PTPRD: variants seen among roughly 807,000 people sequenced by gnomAD.
PTPRD encodes receptor-type tyrosine-protein phosphatase delta.
A neutral mutation model predicts 214.5 loss-of-function variants in PTPRD; 34 were observed. That is an observed-to-expected ratio of 0.16 (90% CI 0.12 to 0.21). The LOEUF (loss-of-function observed/expected upper bound fraction) is 0.21. PTPRD is among the 10% of genes least tolerant of loss of function. The probability of loss-of-function intolerance (pLI) is 1.00; values close to 1 mark genes in which losing one functional copy is unlikely to be tolerated. For missense variants in PTPRD, 2,545 were observed against 2,398.7 expected (o/e 1.06, Z -1.27); for synonymous variants, 1,128 against 845.7 (o/e 1.33, Z -5.79).
chr9:10,096,918 G>A (rs1156785085), intron 3 of PTPRD, among the ~76,000 whole-genome samples: 1 of 151,288 alleles, frequency 6.6e-6, no homozygotes, highest in African/African-American at 2.4e-5. Context: ...ATTTTTTTAA[G>A]ATGTAAGGAA....
At chr9:8,630,084 C>G (rs1337805) in intron 14 of PTPRD, among the ~76,000 whole-genome samples, 40,778 of 151,622 alleles carry the variant, frequency 0.27, 5,937 homozygotes, top group African/African-American at 0.39. Flanking sequence ...TGAGATAAAT[C>G]AATGATCTTC....
intron 14 of PTPRD, among the ~76,000 whole-genome samples, chr9:8,624,024 AAC>A (rs1373733740): frequency 2.0e-5 from 3 of 151,980 alleles, no homozygotes; most frequent in Non-Finnish European, 2.9e-5. Flanking sequence ...GAAATCATAA[AAC>A]AGTTATAGAT....
intron 10 of PTPRD, among the ~76,000 whole-genome samples, chr9:9,103,256 A>C (rs2099793746): frequency 6.6e-6 from 1 of 151,840 alleles, no homozygotes; most frequent in Non-Finnish European, 1.5e-5. Flanking sequence ...GATTAAGGGA[A>C]CTCCTTTAGT....
intron 8 of PTPRD, among the ~76,000 whole-genome samples, chr9:9,521,162 T>C (rs1390756081): frequency 6.6e-6 from 1 of 152,186 alleles, no homozygotes; most frequent in Non-Finnish European, 1.5e-5. Context: ...GAGGTGTTAC[T>C]GATTCAGGTG....
At chr9:8,785,477 A>G (rs1325252043) in intron 11 of PTPRD, among the ~76,000 whole-genome samples, 8 of 152,218 alleles carry the variant, frequency 5.3e-5, no homozygotes, top group Non-Finnish European at 1.2e-4. Flanking sequence ...TTGATGACCT[A>G]TAGTGTGTAT....
At chr9:9,076,583 A>G (rs2099751578) in intron 10 of PTPRD, among the ~76,000 whole-genome samples, 1 of 152,074 alleles carries the variant, frequency 6.6e-6, no homozygotes, top group South Asian at 2.1e-4. Context: ...TATTTCACAT[A>G]ATATAATGTC....
chr9:8,496,161 C>G (rs899477102), intron 26 of PTPRD, among the ~76,000 whole-genome samples: 2 of 147,974 alleles, frequency 1.4e-5, no homozygotes, highest in Non-Finnish European at 3.0e-5. Flanking sequence ...TGTTCCACCT[C>G]CAACTCTCCA....
intron 2 of PTPRD, among the ~76,000 whole-genome samples, chr9:10,597,078 TATATATTTCAC>T (rs559659808): frequency 2.4e-4 from 36 of 151,280 alleles, no homozygotes; most frequent in African/African-American, 7.2e-4. Context: ...TCCATATATA[TATATATTTCAC>T]ATATATATTT....
intron 7 of PTPRD, among the ~76,000 whole-genome samples, chr9:9,646,677 G>T (rs1180121656): frequency 6.6e-6 from 1 of 151,894 alleles, no homozygotes; most frequent in African/African-American, 2.4e-5. Flanking sequence ...TATCCACAGG[G>T]CGTACATTCT....
chr9:9,078,335 A>G (rs1190551572), intron 10 of PTPRD, among the ~76,000 whole-genome samples: 1 of 152,072 alleles, frequency 6.6e-6, no homozygotes, highest in Non-Finnish European at 1.5e-5. Flanking sequence ...CCTTAATTAT[A>G]TCATAGTTAA....
At chr9:9,563,954 A>G (rs939805693) in intron 8 of PTPRD, among the ~76,000 whole-genome samples, 1 of 152,142 alleles carries the variant, frequency 6.6e-6, no homozygotes, top group Non-Finnish European at 1.5e-5. Context: ...TGGGCATATG[A>G]GTCACTTAAA....
chr9:9,589,631 T>C (rs540739085), intron 7 of PTPRD, among the ~76,000 whole-genome samples: 79 of 152,152 alleles, frequency 5.2e-4, no homozygotes, highest in African/African-American at 1.5e-3. Flanking sequence ...TTCACAAATA[T>C]AGCAATAGGA....
chr9:9,157,721 AC>A (rs2099882483), intron 10 of PTPRD, among the ~76,000 whole-genome samples: 2 of 152,158 alleles, frequency 1.3e-5, no homozygotes, highest in South Asian at 4.1e-4. Context: ...TTTTCTTTCA[AC>A]TTTTATTTAA....
intron 40 of PTPRD, 78 bp downstream of exon 40, chr9:8,341,615 G>A (rs1852540321): frequency 1.3e-6 from 2 of 1,514,366 alleles, no homozygotes; most frequent in East Asian, 2.3e-5. Context: ...AATTTGAAAG[G>A]TTAAAGTAAA....
intron 5 of PTPRD, among the ~76,000 whole-genome samples, chr9:9,864,134 AC>A (rs767080686): frequency 6.6e-5 from 10 of 151,982 alleles, no homozygotes; most frequent in Non-Finnish European, 1.3e-4. Flanking sequence ...GTGAAACCCC[AC>A]CTCTACTAAA....
chr9:9,058,177 C>G (rs2099699781), intron 10 of PTPRD, among the ~76,000 whole-genome samples: 1 of 152,038 alleles, frequency 6.6e-6, no homozygotes, highest in Non-Finnish European at 1.5e-5. Flanking sequence ...GGAATTAGGG[C>G]TTGTACTTAC....
intron 7 of PTPRD, among the ~76,000 whole-genome samples, chr9:9,625,508 T>C (rs187973094): frequency 1.3e-5 from 2 of 152,190 alleles, no homozygotes; most frequent in East Asian, 3.9e-4. Context: ...CAACAGCTTC[T>C]CTGAATTACT....
chr9:9,808,940 T>A (rs2046282429), intron 5 of PTPRD, among the ~76,000 whole-genome samples: 1 of 122,342 alleles, frequency 8.2e-6, no homozygotes, highest in Non-Finnish European at 1.6e-5. Flanking sequence ...CTGGCTAATT[T>A]TTATTTTGTA....
chr9:8,443,114 G>A (rs1040829945), intron 34 of PTPRD, among the ~76,000 whole-genome samples: 2 of 152,176 alleles, frequency 1.3e-5, no homozygotes, highest in African/African-American at 2.4e-5. Flanking sequence ...CACTGCACTC[G>A]AGCCTGGACA....
Sources: allele counts gnomAD v4.1 joint callset (sites outside exome capture counted in the v4.1 genomes callset), GRCh38; gene constraint gnomAD v4.1.1; transcripts MANE v1.5; gene names NCBI Gene and HGNC (gene_info 2026-07-23, HGNC 2026-07-21).